The following PDE4B variants were observed in gnomAD, a reference collection of about 807,000 sequenced individuals.
PDE4B encodes the protein phosphodiesterase 4B.
Under a neutral mutation model 82.2 loss-of-function variants are expected in PDE4B, and 20 were observed. That is an observed-to-expected ratio of 0.24 (90% CI 0.17 to 0.35). The LOEUF (loss-of-function observed/expected upper bound fraction) is 0.35. Ranked by LOEUF, PDE4B falls within the 10% of genes least tolerant of loss-of-function variation. The probability of loss-of-function intolerance (pLI) is 1.00; values close to 1 mark genes in which losing one functional copy is unlikely to be tolerated. For synonymous variants in PDE4B, 320 were observed against 318.9 expected (o/e 1.00, Z -0.04); for missense variants, 655 against 907.2 (o/e 0.72, Z 3.57).
chr1:65,972,732 T>C (rs1010171741), intron 3 of PDE4B, among the ~76,000 whole-genome samples: 1 of 152,200 alleles, frequency 6.6e-6, no homozygotes, highest in East Asian at 1.9e-4. Context: ...TGCATAACTA[T>C]TTCTGGACAT....
intron 3 of PDE4B, among the ~76,000 whole-genome samples, chr1:66,018,733 T>C (rs971975275): frequency 6.6e-6 from 1 of 152,180 alleles, no homozygotes; most frequent in Non-Finnish European, 1.5e-5. Flanking sequence ...AGAATGTCTA[T>C]GGATACAATC....
intron 7 of PDE4B, among the ~76,000 whole-genome samples, chr1:66,314,421 TG>T (rs1241920522): frequency 6.6e-6 from 1 of 152,204 alleles, no homozygotes; most frequent in African/African-American, 2.4e-5. Context: ...TGTTTTGTTT[TG>T]TTTTTTTGGA....
chr1:66,355,412 C>G, intron 8 of PDE4B, 115 bp from the exon 9 acceptor site: 1 of 527,396 alleles, frequency 1.9e-6, no homozygotes, highest in Non-Finnish European at 3.4e-6. Flanking sequence ...TATTATTTAT[C>G]TAATGGTATC....
chr1:66,232,277 C>G (rs917536843), intron 3 of PDE4B, among the ~76,000 whole-genome samples: 8 of 152,242 alleles, frequency 5.3e-5, no homozygotes, highest in Non-Finnish European at 1.0e-4. Context: ...AGTGCAGAGA[C>G]AGTGCCTCAA....
chr1:65,872,121 TC>T, intron 1 of PDE4B, among the ~76,000 whole-genome samples: 1 of 152,300 alleles, frequency 6.6e-6, no homozygotes, highest in Admixed American at 6.5e-5. Flanking sequence ...TTTGGGCTTA[TC>T]AAACTCACAG....
At chr1:66,097,874 T>G (rs1021634818) in intron 3 of PDE4B, among the ~76,000 whole-genome samples, 2 of 151,604 alleles carry the variant, frequency 1.3e-5, no homozygotes, top group Non-Finnish European at 2.9e-5. Context: ...TTTTTTTTTT[T>G]TGTATTTTTT....
intron 1 of PDE4B, among the ~76,000 whole-genome samples, chr1:65,858,368 C>G (rs1433531005): frequency 1.3e-5 from 2 of 152,204 alleles, no homozygotes; most frequent in Non-Finnish European, 2.9e-5. Flanking sequence ...AGTTCTAATA[C>G]TACCATTGTA....
chr1:66,017,832 T>TTAC, intron 3 of PDE4B, among the ~76,000 whole-genome samples: 1 of 145,852 alleles, frequency 6.9e-6, no homozygotes, highest in East Asian at 2.4e-4. Context: ...GTGAGATTTT[T>TTAC]AAAAAATATA....
chr1:66,011,103 C>A lies in PDE4B; in HGVS notation c.281+92268C>A, dbSNP rs1026996454. Among the ~76,000 whole-genome samples, 3 of 150,854 alleles carry A rather than the reference C, an allele frequency of 2.0e-5. No individual in the cohort carries two copies. The East Asian group carries it at 5.9e-4, about 29-fold the overall frequency. On this transcript the variant is annotated intron_variant, in intron 3 of 16. Transcript: ENST00000341517. ...TTGTTTTATGTATGCATAGTTAATC[C>A]TTTTTATTGCTGAACACTATTCCAT...
rs4068855 is a variant in PDE4B at position 66,096,508 on chromosome 1, T to TTATATATATATATATATATATA, written c.282-150939_282-150918dup. Among the ~76,000 whole-genome samples the TTATATATATATATATATATATA allele has an allele frequency of 1.0e-4, 11 of 107,318 alleles. 1 individual carries two copies. The highest frequency in any genetic ancestry group is 3.2e-4 in the South Asian group (1 of 3,166). 70.4% of individuals were successfully genotyped at this position (107,318 alleles called of 152,430 possible). ...TTAAATGCGGTATAAGTAAAAAAAA[T>TTATATATATATATATATATATA]TATATATATATATATATATATATAT... On this transcript the variant is annotated intron_variant, in intron 3 of 16. Transcript: ENST00000341517.
chr1:66,211,692 C>A (rs1650065129), intron 3 of PDE4B, among the ~76,000 whole-genome samples: 1 of 152,204 alleles, frequency 6.6e-6, no homozygotes, highest in Non-Finnish European at 1.5e-5. Flanking sequence ...AGCGAAGTAA[C>A]TTGTCTAATG....
chr1:66,034,506 TAC>T (rs1653963875), intron 3 of PDE4B, among the ~76,000 whole-genome samples: 3 of 152,224 alleles, frequency 2.0e-5, no homozygotes. Flanking sequence ...AGTTTTAGGC[TAC>T]AGTGTTTCAT....
At chr1:66,303,151 C>T (rs1003011889) in intron 7 of PDE4B, among the ~76,000 whole-genome samples, 8 of 152,176 alleles carry the variant, frequency 5.3e-5, no homozygotes, top group Admixed American at 5.2e-4. Context: ...GAACAGTAGA[C>T]CCTGGATAAA....
intron 1 of PDE4B, among the ~76,000 whole-genome samples, chr1:65,895,506 C>T (rs1265192167): frequency 3.4e-5 from 5 of 145,638 alleles, no homozygotes; most frequent in Admixed American, 7.1e-5. Context: ...GCTGAGATCA[C>T]GCCGCTGCAC....
intron 3 of PDE4B, among the ~76,000 whole-genome samples, chr1:65,953,465 A>G (rs1044884952): frequency 1.9e-4 from 29 of 152,046 alleles, no homozygotes; most frequent in Non-Finnish European, 2.6e-4. Flanking sequence ...GAGGCAGGAG[A>G]GTCAGAGAAG....
chr1:65,992,974 AG>A, intron 3 of PDE4B: 2 of 1,614,024 alleles, frequency 1.2e-6, no homozygotes, highest in Non-Finnish European at 1.7e-6. Context: ...AAGACTTTCA[AG>A]GAGCAAATGC....
At chr1:66,140,390 A>G (rs868632238) in intron 3 of PDE4B, among the ~76,000 whole-genome samples, 21 of 152,336 alleles carry the variant, frequency 1.4e-4, no homozygotes, top group South Asian at 4.1e-4. Context: ...ACAACTACAA[A>G]TTAAATGCAA....
At chr1:66,142,225 C>T (rs904984031) in intron 3 of PDE4B, among the ~76,000 whole-genome samples, 4 of 152,104 alleles carry the variant, frequency 2.6e-5, no homozygotes, top group East Asian at 1.9e-4. Flanking sequence ...GTGGCAGAGG[C>T]AGAAGAAAAT....
chr1:65,858,928 G>T (rs1646424182), intron 1 of PDE4B, among the ~76,000 whole-genome samples: 1 of 152,166 alleles, frequency 6.6e-6, no homozygotes, highest in South Asian at 2.1e-4. Context: ...GAGATGGGAA[G>T]AGGGAGCCCT....
Sources: gnomAD v4.1 joint callset for allele counts (sites outside exome capture counted in the v4.1 genomes callset) on GRCh38, gnomAD v4.1.1 for gene constraint, MANE v1.5 for transcripts, NCBI Gene and HGNC (gene_info 2026-07-23, HGNC 2026-07-21) for gene names.